Variants in LARGE1 observed in about 807,000 individuals in gnomAD.
The protein encoded by LARGE1 is xylosyl- and glucuronyltransferase LARGE1.
In LARGE1, 43 loss-of-function variants were observed where a neutral mutation model predicts 87.6. The ratio of observed to expected loss-of-function variants is 0.49; its 90% confidence interval spans 0.38 to 0.63. The LOEUF is 0.63. Among genes scored for constraint, LARGE1 ranks in the 30% least tolerant of loss-of-function variants. The pLI, the probability that LARGE1 is intolerant of heterozygous loss-of-function variation, is 0.00. For missense variants in LARGE1, 802 were observed against 1,000.2 expected (o/e 0.80, Z 2.67); for synonymous variants, 434 against 394.6 (o/e 1.10, Z -1.18).
chr22:33,535,353 G>T (rs770741888), intron 6 of LARGE1, among the ~76,000 whole-genome samples: 1 of 152,112 alleles, frequency 6.6e-6, no homozygotes, highest in Non-Finnish European at 1.5e-5. Flanking sequence ...AGATCAGCCC[G>T]GCCAACATGG....
chr22:33,204,191 C>T (rs1602088990), intron 11 of LARGE1, among the ~76,000 whole-genome samples: 1 of 151,754 alleles, frequency 6.6e-6, no homozygotes, highest in African/African-American at 2.4e-5. Context: ...GAAGAAGTAC[C>T]CGAATTGAGG....
intron 1 of LARGE1, among the ~76,000 whole-genome samples, chr22:33,783,085 G>T (rs1390504054): frequency 6.6e-6 from 1 of 151,966 alleles, no homozygotes; most frequent in African/African-American, 2.4e-5. Context: ...TATCCAAAAG[G>T]TCAGGAGATT....
At chr22:33,307,063 G>T (rs749469166) in intron 11 of LARGE1, among the ~76,000 whole-genome samples, 1 of 152,074 alleles carries the variant, frequency 6.6e-6, no homozygotes, top group Non-Finnish European at 1.5e-5. Context: ...TAGTCCCTTA[G>T]AACCAACTTT....
At chr22:33,685,328 T>C (rs1313688735) in intron 2 of LARGE1, among the ~76,000 whole-genome samples, 2 of 152,160 alleles carry the variant, frequency 1.3e-5, no homozygotes, top group African/African-American at 4.8e-5. Context: ...CATGTACAAA[T>C]GCCTAAAAAC....
intron 11 of LARGE1, among the ~76,000 whole-genome samples, chr22:33,222,670 AC>A (rs1466220183): frequency 6.6e-6 from 1 of 152,172 alleles, no homozygotes; most frequent in Non-Finnish European, 1.5e-5. Flanking sequence ...AAGCCCAGGA[AC>A]CCTAGAGCCA....
intron 2 of LARGE1, among the ~76,000 whole-genome samples, chr22:33,739,948 G>T (rs1023749118): frequency 6.6e-6 from 1 of 152,124 alleles, no homozygotes; most frequent in Non-Finnish European, 1.5e-5. Flanking sequence ...TTTTCTGCAG[G>T]GCTCAAAAGC....
intron 7 of LARGE1, among the ~76,000 whole-genome samples, chr22:33,400,640 G>A (rs1438295296): frequency 6.6e-6 from 1 of 152,224 alleles, no homozygotes; most frequent in African/African-American, 2.4e-5. Flanking sequence ...GCTCTGACCA[G>A]TTGAACATGT....
At chr22:33,158,527 G>A (rs1312444856), downstream of LARGE1, among the ~76,000 whole-genome samples, 1 of 152,134 alleles carries the variant, frequency 6.6e-6, no homozygotes, top group East Asian at 1.9e-4. Context: ...AGAAAGGCAG[G>A]TGAGAGAAGA....
the LARGE1 span, among the ~76,000 whole-genome samples, chr22:33,081,904 G>C: frequency 6.6e-6 from 1 of 152,148 alleles, no homozygotes; most frequent in Non-Finnish European, 1.5e-5. Context: ...TAAATGATAA[G>C]ATTCAGGGAG....
At position 33,283,275 on chromosome 22, in the gene LARGE1, A is replaced by T; in HGVS notation, c.1804T>A (p.Tyr602Asn). The change falls in exon 13 of 15, where the codon TAC becomes AAC. Residue 602 changes from tyrosine to asparagine, a missense_variant. Coordinates refer to ENST00000397394, the MANE Select transcript of LARGE1 (RefSeq NM_133642.5). Reference sequence around the variant, plus strand: ...TTTGACTTGGGGAAGGACAGCCGGTAGCGCAGTGTCTCGAACGCGGGGACA... The same window carrying T: ...TTTGACTTGGGGAAGGACAGCCGGTTGCGCAGTGTCTCGAACGCGGGGACA... Reference protein sequence around the residue: ...MIVPAFETLRYRLSFPKSKAE... With the variant: ...MIVPAFETLRNRLSFPKSKAE... The T allele has an allele frequency of 5.0e-6, 8 of 1,614,162 alleles. No homozygotes were observed. The highest frequency in any genetic ancestry group is 6.8e-6 in the Non-Finnish European group (8 of 1,180,008).
intron 2 of LARGE1, chr22:33,743,161 G>C (rs546825310): frequency 2.0e-5 from 3 of 152,066 alleles, no homozygotes; most frequent in Admixed American, 2.0e-4. Flanking sequence ...CAGAAGCCAA[G>C]CAGATGCCGG....
chr22:33,876,973 C>T (rs1043306911), intron 1 of LARGE1, among the ~76,000 whole-genome samples: 1 of 152,036 alleles, frequency 6.6e-6, no homozygotes, highest in Non-Finnish European at 1.5e-5. Context: ...ACATAAGCCC[C>T]CTTCACCCAG....
chr22:33,903,764 G>A (rs2065353888), intron 1 of LARGE1, among the ~76,000 whole-genome samples: 1 of 152,194 alleles, frequency 6.6e-6, no homozygotes, highest in Non-Finnish European at 1.5e-5. Flanking sequence ...GGAGGAGGTT[G>A]CAGTGAACCA....
At chr22:33,096,786 C>G in the LARGE1 span, among the ~76,000 whole-genome samples, 2 of 152,036 alleles carry the variant, frequency 1.3e-5, no homozygotes, top group Non-Finnish European at 2.9e-5. Flanking sequence ...AGGATGGTCT[C>G]TATCTCCTGA....
chr22:33,708,554 T>A (rs1412278152), intron 2 of LARGE1, among the ~76,000 whole-genome samples: 1 of 152,056 alleles, frequency 6.6e-6, no homozygotes, highest in Non-Finnish European at 1.5e-5. Flanking sequence ...TCTCTTAGAG[T>A]TCTGGAGGTT....
intron 1 of LARGE1, among the ~76,000 whole-genome samples, chr22:33,878,129 C>CTTTCTTTTTTTTTTTT: frequency 2.2e-5 from 1 of 44,652 alleles, no homozygotes; most frequent in Non-Finnish European, 5.1e-5. Flanking sequence ...TATTGTATTT[C>CTTTCTTTTTTTTTTTT]TTTTTTTTTT....
At chr22:33,746,867 A>G (rs2084106785) in intron 2 of LARGE1, among the ~76,000 whole-genome samples, 2 of 152,142 alleles carry the variant, frequency 1.3e-5, no homozygotes, top group African/African-American at 4.8e-5. Context: ...CGCTGAGACC[A>G]GGAACCCAGA....
At chr22:33,349,119 A>G (rs986392406) in intron 9 of LARGE1, among the ~76,000 whole-genome samples, 1 of 152,082 alleles carries the variant, frequency 6.6e-6, no homozygotes, top group Non-Finnish European at 1.5e-5. Flanking sequence ...ATATTTCTTC[A>G]TAGAAGTATG....
chr22:33,114,057 T>TTTTTTTTTTTC, the LARGE1 span, among the ~76,000 whole-genome samples: 1 of 150,824 alleles, frequency 6.6e-6, no homozygotes, highest in Non-Finnish European at 1.5e-5. Context: ...TTTTTTTTTT[T>TTTTTTTTTTTC]AGTAGAGATG....
Sources: allele counts gnomAD v4.1 joint callset (sites outside exome capture counted in the v4.1 genomes callset), GRCh38; gene constraint gnomAD v4.1.1; transcripts MANE v1.5; gene names NCBI Gene and HGNC (gene_info 2026-07-23, HGNC 2026-07-21).